Variants in DAXX observed in about 807,000 individuals in gnomAD.
The protein encoded by DAXX is death domain associated protein.
In DAXX, 24 loss-of-function variants were observed where a neutral mutation model predicts 61.9. The ratio of observed to expected loss-of-function variants is 0.39; its 90% confidence interval spans 0.28 to 0.55. DAXX has a LOEUF of 0.55. Among genes scored for constraint, DAXX ranks in the 20% least tolerant of loss-of-function variants. The probability of loss-of-function intolerance (pLI) is 0.69; values close to 1 mark genes in which losing one functional copy is unlikely to be tolerated. For missense variants in DAXX, 819 were observed against 935.3 expected (o/e 0.88, Z 1.62); for synonymous variants, 357 against 369.5 (o/e 0.97, Z 0.39).
At position 33,320,574 on chromosome 6, in the gene DAXX, A is replaced by G; in HGVS notation, c.1057T>C (p.Ser353Pro). The change falls in exon 4 of 8, where the codon TCA (serine) becomes CCA (proline). Residue 353 changes from serine to proline, a missense_variant. By Grantham distance (74) the Ser-to-Pro change is moderately conservative. Coordinates refer to ENST00000374542, the MANE Select transcript of DAXX (RefSeq NM_001141969.2). This position sits in a 1 kb window ranked among gnomAD's most constrained non-coding sequence, Gnocchi z 7.1. Reference sequence around the variant, plus strand: ...AGGCGCCGGGCCAACACAGGATCTGATAGTGCAGGGTCAACGCCTACGTGG... The same window carrying G: ...AGGCGCCGGGCCAACACAGGATCTGGTAGTGCAGGGTCAACGCCTACGTGG... ...DYRPGVDPAL[S>P]DPVLARRLRE... is the part of the protein sequence containing the mutation. The G allele has an allele frequency of 6.2e-7, 1 of 1,613,930 alleles. No homozygotes were observed. Among genetic ancestry groups the G allele is most frequent in the South Asian group, 1.1e-5 (1 of 91,090 alleles).
Position 33,319,511 on chromosome 6 carries a change from A to C in DAXX, c.1809T>G (p.Asn603Lys), listed in dbSNP as rs778922611. ...SEEPFTTVLE[N>K]GAGMVSSTSF... ...AAGTAGAAGAGACCATGCCTGCTCC[A>C]TTCTCTAAGACAGTGGTGAAGGGCT... The change falls in exon 6 of 8, where the codon AAT (asparagine) becomes AAG (lysine). Residue 603 changes from asparagine to lysine, a missense_variant. Asn to Lys is a moderately conservative substitution (Grantham distance 94). Coordinates refer to ENST00000374542, the MANE Select transcript of DAXX (RefSeq NM_001141969.2). The C allele has an allele frequency of 6.2e-7, 1 of 1,614,118 alleles. No homozygotes were observed. Among genetic ancestry groups the C allele is most frequent in the Non-Finnish European group, 8.5e-7 (1 of 1,180,016 alleles).
chr6:33,320,320 C>G lies in DAXX; in HGVS notation c.1251+60G>C. Reference sequence around the variant, plus strand: ...GCTCCCCCATCAGTCAACCTGGACTCCCTGGTGGCCAGTGCAGGGGAAGGA... The same window carrying G: ...GCTCCCCCATCAGTCAACCTGGACTGCCTGGTGGCCAGTGCAGGGGAAGGA... On this transcript the variant is annotated intron_variant, in intron 4 of 7. Coordinates refer to ENST00000374542, the MANE Select transcript of DAXX (RefSeq NM_001141969.2). The surrounding 1 kb of genome is among the most constrained non-coding windows in gnomAD (Gnocchi z 7.1). The G allele has an allele frequency of 6.9e-7, 1 of 1,442,656 alleles. No individual in the cohort carries two copies. Among genetic ancestry groups the G allele is most frequent in the Non-Finnish European group, 9.8e-7 (1 of 1,023,486 alleles). 89.4% of individuals were successfully genotyped at this position (1,442,656 alleles called of 1,614,324 possible).
In DAXX at chr6:33,320,592, C is replaced by T. The variant is rs1770464872; in HGVS notation, c.1040-1G>A. 1 of 1,612,902 alleles carries T rather than the reference C, an allele frequency of 6.2e-7. No individual in the cohort carries two copies. The highest frequency in any genetic ancestry group is 8.5e-7 in the Non-Finnish European group (1 of 1,179,632). On this transcript the variant is annotated splice_acceptor_variant, in intron 3 of 7. Transcript: ENST00000374542. LOFTEE classifies it high-confidence loss of function. This position sits in a 1 kb window ranked among gnomAD's most constrained non-coding sequence, Gnocchi z 7.1. ...GGATCTGATAGTGCAGGGTCAACGC[C>T]TACGTGGGAAGACATAAAGTCAGAG... is the stretch of plus-strand genomic sequence containing the variant.
Position 33,319,475 on chromosome 6 carries a change from T to A in DAXX, c.1845A>T (p.Gly615=), listed in dbSNP as rs1162195190. 6.2e-7 allele frequency: 1 copy of A among 1,613,996 alleles called. No homozygotes were observed. The highest frequency in any genetic ancestry group is 1.3e-5 in the African/African-American group (1 of 75,032). ...AGMVSSTSFN[G]GVSPHNWGDS... is the part of the protein sequence containing the mutation. ...CTCCCCAGTTGTGAGGAGAGACGCC[T>A]CCATTGAAGGAAGTAGAAGAGACCA... is the stretch of plus-strand genomic sequence containing the variant. The change falls in exon 6 of 8, where the codon GGA becomes GGT. Residue 615 remains glycine, a synonymous_variant. Transcript: ENST00000374542.
rs372249605 is a variant in DAXX at position 33,318,981 on chromosome 6, G to A, written c.2163+16C>T. The A allele has an allele frequency of 1.2e-5, 19 of 1,598,642 alleles. No homozygotes were observed. Among genetic ancestry groups the A allele is most frequent in the East Asian group, 4.5e-5 (2 of 44,710 alleles). The stretch of plus-strand genomic sequence containing the variant: ...GAGAACAAATTGTCAGAGGAAACAC[G>A]CCCTCCCCTTCTTACCTTGCAAGTA... On this transcript the variant is annotated intron_variant, in intron 7 of 7. Transcript: ENST00000374542.
rs750701787 is a variant in DAXX, at chr6:33,320,087, C to T, written c.1389G>A (p.Glu463=). ...EEEEEATDSE[E]EEDLEQMQEG... is the part of the protein sequence containing the mutation. Reference sequence around the variant, plus strand: ...CCTGCATCTGTTCCAGATCCTCCTCCTCTTCAGAATCTGTGGCCTCCTCCT... The same window carrying T: ...CCTGCATCTGTTCCAGATCCTCCTCTTCTTCAGAATCTGTGGCCTCCTCCT... The change falls in exon 5 of 8, where the codon GAG becomes GAA. Residue 463 remains glutamate, a synonymous_variant. Coordinates refer to ENST00000374542, the MANE Select transcript of DAXX (RefSeq NM_001141969.2). The surrounding 1 kb of genome is among the most constrained non-coding windows in gnomAD (Gnocchi z 7.1). 1 of 1,613,816 alleles carries T rather than the reference C, an allele frequency of 6.2e-7. No individual in the cohort carries two copies. The highest frequency in any genetic ancestry group is 1.7e-5 in the Admixed American group (1 of 59,956).
rs1770289109 is a variant in DAXX at position 33,319,696 on chromosome 6, T to C, written c.1624A>G (p.Ser542Gly). The C allele has an allele frequency of 3.7e-6, 6 of 1,614,112 alleles. No individual in the cohort carries two copies. The highest frequency in any genetic ancestry group is 1.3e-5 in the African/African-American group (1 of 74,932). ...TCTCCATTGCTTTCAGCATCTATGCTGGAGGGGGCCAGGGGTTCTTCTGAC... is the reference window on the plus strand; with the variant it reads ...TCTCCATTGCTTTCAGCATCTATGCCGGAGGGGGCCAGGGGTTCTTCTGAC... ...LLSEEPLAPS[S>G]IDAESNGEQP... is the part of the protein sequence containing the mutation. The change falls in exon 6 of 8, where the codon AGC becomes GGC. Residue 542 changes from serine to glycine, a missense_variant. Ser to Gly is a moderately conservative substitution (Grantham distance 56). Coordinates refer to ENST00000374542, the MANE Select transcript of DAXX (RefSeq NM_001141969.2).
At position 33,320,900 on chromosome 6, in the gene DAXX, G is replaced by C. The variant is rs748355652; in HGVS notation, c.875C>G (p.Ala292Gly). 6.8e-6 allele frequency: 11 copies of C among 1,614,210 alleles called. No homozygotes were observed. Among genetic ancestry groups the C allele is most frequent in the Non-Finnish European group, 8.5e-6 (10 of 1,180,028 alleles). Reference protein sequence around the residue: ...TFPDYGDVLRAVEKAAARHSL... With the variant: ...TFPDYGDVLRGVEKAAARHSL... Reference sequence around the variant, plus strand: ...GTGTCGGGCAGCTGCCTTCTCTACAGCCCGAAGCACATCCCCATAGTCAGG... The same window carrying C: ...GTGTCGGGCAGCTGCCTTCTCTACACCCCGAAGCACATCCCCATAGTCAGG... The change falls in exon 3 of 8, where the codon GCT (alanine) becomes GGT (glycine). Residue 292 changes from alanine to glycine, a missense_variant. Physicochemically the swap from Ala to Gly is moderately conservative, Grantham distance 60. Transcript: ENST00000374542. The surrounding 1 kb of genome is among the most constrained non-coding windows in gnomAD (Gnocchi z 7.1).
In DAXX at chr6:33,319,788, C is replaced by G. The variant is rs760674231; in HGVS notation, c.1532G>C (p.Gly511Ala). 1.2e-6 allele frequency: 2 copies of G among 1,614,168 alleles called. No homozygotes were observed. ...QISNEKNLEP[G>A]KQISRSSGEQ... ...CCCTGAAGATCTGCTGATCTGTTTGCCAGGTTCCAGGTTCTTTTCATTGGA... is the reference window on the plus strand; with the variant it reads ...CCCTGAAGATCTGCTGATCTGTTTGGCAGGTTCCAGGTTCTTTTCATTGGA... The change falls in exon 6 of 8, where the codon GGC becomes GCC. Residue 511 changes from glycine to alanine, a missense_variant. Physicochemically the swap from Gly to Ala is moderately conservative, Grantham distance 60. Transcript: ENST00000374542.
chr6:33,322,800 C>A, intron 1 of DAXX, 62 bp downstream of exon 1: 1 of 821,086 alleles, frequency 1.2e-6, no homozygotes, highest in African/African-American at 1.7e-5. Context: ...CCAGCTCTCC[C>A]CAATACCTCT....
rs751451812 is a variant in DAXX, at chr6:33,320,342, AG to A, written c.1251+37del. ...ACTCCCTGGTGGCCAGTGCAGGGGA[AG>A]GACAATGTCTCTCTGAAGGCTGTAC... is the stretch of plus-strand genomic sequence containing the variant. On this transcript the variant is annotated intron_variant, in intron 4 of 7. Coordinates refer to ENST00000374542, the MANE Select transcript of DAXX (RefSeq NM_001141969.2). The surrounding 1 kb of genome is among the most constrained non-coding windows in gnomAD (Gnocchi z 7.1). 6 of 1,500,996 alleles carry A rather than the reference AG, an allele frequency of 4.0e-6. No individual in the cohort carries two copies. In the East Asian group the frequency reaches 1.1e-4, roughly 28 times the overall value. The allele number at this position is 1,500,996 out of a possible 1,614,324, so 93.0% of individuals were successfully genotyped here.
At chr6:33,322,622 C>T in intron 1 of DAXX, 1 of 337,472 alleles carries the variant, frequency 3.0e-6, no homozygotes, top group South Asian at 2.5e-5. Context: ...CAAAAGTCCC[C>T]CCGCACCGCG....
In DAXX at chr6:33,319,622, G is replaced by A. The variant is rs1483143360; in HGVS notation, c.1698C>T (p.Leu566=). The change falls in exon 6 of 8, where the codon CTC becomes CTT. Residue 566 remains leucine (L), a synonymous_variant. Coordinates refer to ENST00000374542, the MANE Select transcript of DAXX (RefSeq NM_001141969.2). ...TLEEESPVSQ[L]FELEIEALPL... ...GCAAAGCTTCAATCTCTAGCTCAAA[G>A]AGCTGAGACACAGGGCTTTCTTCCT... is the stretch of plus-strand genomic sequence containing the variant. 3 of 1,613,682 alleles carry A rather than the reference G, an allele frequency of 1.9e-6. No homozygotes were observed. Among genetic ancestry groups the A allele is most frequent in the East Asian group, 4.5e-5 (2 of 44,888 alleles).
At position 33,321,485 on chromosome 6, in the gene DAXX, G is replaced by A. The variant is rs763431811; in HGVS notation, c.290C>T (p.Ser97Phe). 6 of 1,614,044 alleles carry A rather than the reference G, an allele frequency of 3.7e-6. No homozygotes were observed. The highest frequency in any genetic ancestry group is 5.1e-6 in the Non-Finnish European group (6 of 1,180,048). ...FLYNRQQRAH[S>F]LFLASAEFCN... ...GAACTCCGCCGAGGCCAAAAACAGA[G>A]AGTGGGCACGTTGCTGCCGGTTATA... The change falls in exon 3 of 8, where the codon TCT becomes TTT. Residue 97 changes from serine to phenylalanine, a missense_variant. Ser to Phe is a radical substitution (Grantham distance 155). Transcript: ENST00000374542. The surrounding 1 kb of genome is among the most constrained non-coding windows in gnomAD (Gnocchi z 7.2).
chr6:33,322,825 G>GCCCCCC, intron 1 of DAXX, 37 bp downstream of exon 1: 1 of 552,296 alleles, frequency 1.8e-6, no homozygotes, highest in Admixed American at 3.2e-5. Flanking sequence ...CTATATCCCC[G>GCCCCCC]CCCCCGCCTC....
chr6:33,319,312 G>C lies in DAXX; in HGVS notation c.1940+68C>G, dbSNP rs1040182548. On this transcript the variant is annotated intron_variant, in intron 6 of 7. Coordinates refer to ENST00000374542, the MANE Select transcript of DAXX (RefSeq NM_001141969.2). ...CTCTCCCAGCAGACTCAGTTCCCCA[G>C]TATTGCTCTCCGAAAGTCCCCTGCA... The C allele has an allele frequency of 5.1e-6, 8 of 1,570,058 alleles. No individual in the cohort carries two copies. The Admixed American group carries it at 1.1e-4, about 21-fold the overall frequency.
rs914165701 is a variant in DAXX at position 33,319,244 on chromosome 6, G to A, written c.1941-25C>T. The A allele has an allele frequency of 2.5e-6, 4 of 1,577,500 alleles. No homozygotes were observed. In the African/African-American group the frequency reaches 4.0e-5, roughly 16 times the overall value. On this transcript the variant is annotated intron_variant, in intron 6 of 7. Transcript: ENST00000374542. ...GCTAGAAACAGAAACATAAATATGTGGAGGGGTACGGGAAGACTGAGGCTG... is the reference window on the plus strand; with the variant it reads ...GCTAGAAACAGAAACATAAATATGTAGAGGGGTACGGGAAGACTGAGGCTG...
Position 33,319,433 on chromosome 6 carries a change from G to A in DAXX, c.1887C>T (p.Cys629=). The A allele has an allele frequency of 6.2e-7, 1 of 1,612,840 alleles. No homozygotes were observed. The highest frequency in any genetic ancestry group is 8.5e-7 in the Non-Finnish European group (1 of 1,179,870). ...GCTTCTTCTCCTTCCGAGATTTTTTGCAGGGGGGACCAGAATCTCCCCAGT... is the reference window on the plus strand; with the variant it reads ...GCTTCTTCTCCTTCCGAGATTTTTTACAGGGGGGACCAGAATCTCCCCAGT... ...PHNWGDSGPP[C]KKSRKEKKQT... The change falls in exon 6 of 8, where the codon TGC becomes TGT. Residue 629 remains cysteine, a synonymous_variant. Coordinates refer to ENST00000374542, the MANE Select transcript of DAXX (RefSeq NM_001141969.2).
At position 33,321,504 on chromosome 6, in the gene DAXX, G is replaced by C. The variant is rs761580201; in HGVS notation, c.271C>G (p.Arg91Gly). The change falls in exon 3 of 8, where the codon CGG becomes GGG. Residue 91 changes from arginine to glycine, a missense_variant. By Grantham distance (125) the Arg-to-Gly change is moderately radical (BLOSUM62 -2). Transcript: ENST00000374542. This position sits in a 1 kb window ranked among gnomAD's most constrained non-coding sequence, Gnocchi z 7.2. ...AACAGAGAGTGGGCACGTTGCTGCC[G>C]GTTATAGAGGAATGGGACCACCTCA... is the stretch of plus-strand genomic sequence containing the variant. ...HPEVVPFLYN[R>G]QQRAHSLFLA... 6.2e-7 allele frequency: 1 copy of C among 1,614,090 alleles called. No homozygotes were observed. The highest frequency in any genetic ancestry group is 8.5e-7 in the Non-Finnish European group (1 of 1,180,018).
Sources: allele counts gnomAD v4.1 joint callset, GRCh38; gene constraint gnomAD v4.1.1; non-coding constraint Gnocchi (gnomAD v3.1); transcripts MANE v1.5; gene names NCBI Gene and HGNC (gene_info 2026-07-23, HGNC 2026-07-21).